The following BRI3 variants were observed in gnomAD, a reference collection of about 807,000 sequenced individuals.
The protein encoded by BRI3 is brain protein I3, also known as membrane protein BRI3.
In BRI3, 6 loss-of-function variants were observed where a neutral mutation model predicts 12.8. The ratio of observed to expected loss-of-function variants is 0.47; its 90% CI spans 0.26 to 0.93. BRI3 has a LOEUF of 0.93. Ranked by LOEUF, BRI3 falls within the 40% of genes least tolerant of loss-of-function variation. The probability of loss-of-function intolerance (pLI) is 0.15; values close to 1 mark genes in which losing one functional copy is unlikely to be tolerated. For missense variants in BRI3, 134 were observed against 171.1 expected, an observed-to-expected ratio of 0.78 and a Z score of 1.21; for synonymous variants, 91 against 76.1, an observed-to-expected ratio of 1.20 and a Z score of -1.02.
downstream of BRI3, chr7:98,293,494 G>A (rs201919424): frequency 1.2e-6 from 2 of 1,602,180 alleles, no homozygotes; most frequent in East Asian, 2.2e-5. Context: ...GAACCGGAGA[G>A]GCCCGGGAGA....
downstream of BRI3, among the ~76,000 whole-genome samples, chr7:98,297,894 C>T (rs1412500933): frequency 1.3e-5 from 2 of 152,114 alleles, no homozygotes; most frequent in African/African-American, 4.8e-5. Context: ...TGGGAGGGAG[C>T]CAATACTTCC....
At chr7:98,302,267 A>G (rs1373004159), upstream of BRI3, among the ~76,000 whole-genome samples, 1 of 152,228 alleles carries the variant, frequency 6.6e-6, no homozygotes, top group East Asian at 1.9e-4. Context: ...ATACGCTGAC[A>G]ATGACACGTT....
the BRI3 span, chr7:98,323,289 T>A: frequency 3.9e-5 from 6 of 152,274 alleles, no homozygotes; most frequent in African/African-American, 1.4e-4. Context: ...CACATCTATT[T>A]TAAACCCACA....
chr7:98,307,334 A>AAC (rs1226409427), intron 1 of BRI3: 2 of 1,000,836 alleles, frequency 2.0e-6, no homozygotes, highest in Non-Finnish European at 2.5e-6. Flanking sequence ...TGGAACTCCT[A>AAC]ACCTCAGGTG....
chr7:98,305,981 G>C (rs1800641597), upstream of BRI3, among the ~76,000 whole-genome samples: 1 of 152,198 alleles, frequency 6.6e-6, no homozygotes, highest in African/African-American at 2.4e-5. Flanking sequence ...GAACACTGAT[G>C]TTTAATTGAT....
At chr7:98,292,695 A>G (rs1800019002), downstream of BRI3, 1 of 1,551,536 alleles carries the variant, frequency 6.4e-7, no homozygotes, top group African/African-American at 1.4e-5. Context: ...ACCTGATTCA[A>G]ACACGGAGAA....
chr7:98,308,015 G>A (rs775669607), exon 2 of BRI3: 23 of 957,850 alleles, frequency 2.4e-5, no homozygotes, highest in African/African-American at 9.6e-5. Flanking sequence ...CTCCTTCCAC[G>A]GAAACTGACC....
downstream of BRI3, chr7:98,292,665 C>A (rs183670544): frequency 1.4e-5 from 21 of 1,551,660 alleles, no homozygotes; most frequent in Non-Finnish European, 1.7e-5. Context: ...TGGCTTTACA[C>A]GTATCCTTTG....
downstream of BRI3, chr7:98,315,349 G>T: frequency 1.9e-6 from 2 of 1,074,218 alleles, no homozygotes; most frequent in Non-Finnish European, 2.4e-6. Flanking sequence ...GCCCACCTCA[G>T]CCTCCCAAAG....
exon 2 of BRI3, chr7:98,307,806 G>A (rs770715389): frequency 5.0e-6 from 8 of 1,614,134 alleles, no homozygotes; most frequent in African/African-American, 2.7e-5. Context: ...CGCAGTGTGC[G>A]GGAAGATGGT....
intron 1 of BRI3, 57 bp from the exon 2 acceptor site, chr7:98,282,294 C>T (rs1232141759): frequency 7.1e-7 from 1 of 1,412,158 alleles, no homozygotes; most frequent in African/African-American, 1.4e-5. Flanking sequence ...TGAGTAGTCC[C>T]CGTGGCGGTC....
At chr7:98,310,389 T>C in exon 2 of BRI3, 2 of 1,531,544 alleles carry the variant, frequency 1.3e-6, no homozygotes, top group Non-Finnish European at 1.8e-6. Context: ...ATTTCACAGC[T>C]TATCTTAAAA....
chr7:98,311,360 G>A (rs183620438), downstream of BRI3, among the ~76,000 whole-genome samples: 1 of 151,652 alleles, frequency 6.6e-6, no homozygotes, highest in African/African-American at 2.4e-5. Context: ...TGGCTAACAT[G>A]GTGAAACCCG....
chr7:98,299,740 G>C (rs1466225696), intron 1 of BRI3, among the ~76,000 whole-genome samples: 3 of 152,134 alleles, frequency 2.0e-5, no homozygotes, highest in Admixed American at 6.5e-5. Flanking sequence ...AGCTGTATAT[G>C]GCTACTTAAA....
chr7:98,301,109 C>A (rs2116822273), intron 1 of BRI3, among the ~76,000 whole-genome samples: 1 of 152,284 alleles, frequency 6.6e-6, no homozygotes, highest in South Asian at 2.1e-4. Flanking sequence ...TCATCTCTGT[C>A]CACAAAACCC....
chr7:98,304,321 C>G, upstream of BRI3: 2 of 1,613,498 alleles, frequency 1.2e-6, no homozygotes, highest in Non-Finnish European at 1.7e-6. Context: ...GGGGGGATGA[C>G]AACACTGCTA....
At chr7:98,291,061 G>T (rs371589940) in intron 2 of BRI3, 50 bp from the exon 3 acceptor site, 1 of 1,608,790 alleles carries the variant, frequency 6.2e-7, no homozygotes, top group Non-Finnish European at 8.5e-7. Context: ...TGAGGGTTCT[G>T]GCTGCCCGGG....
At chr7:98,282,578 CT>C in intron 2 of BRI3, 125 bp downstream of exon 2, 2 of 766,420 alleles carry the variant, frequency 2.6e-6, no homozygotes, top group Non-Finnish European at 2.2e-6. Context: ...GACCAGAGCC[CT>C]TTATGGGAGG....
downstream of BRI3, chr7:98,312,086 C>A: frequency 6.3e-7 from 1 of 1,578,172 alleles, no homozygotes. Flanking sequence ...GAAGAGAAAA[C>A]TGGCTCCTAC....
Sources: allele counts gnomAD v4.1 joint callset (sites outside exome capture counted in the v4.1 genomes callset), GRCh38; gene constraint gnomAD v4.1.1; transcripts MANE v1.5; gene names NCBI Gene and HGNC (gene_info 2026-07-23, HGNC 2026-07-21).